MMP14: variants seen among roughly 807,000 people sequenced by gnomAD.
MMP14 encodes the protein matrix metalloproteinase-14.
In MMP14, 13 loss-of-function variants were observed where a neutral mutation model predicts 64.8. The ratio of observed to expected loss-of-function variants is 0.20; its 90% CI spans 0.13 to 0.32. The LOEUF (loss-of-function observed/expected upper bound fraction) is 0.32, where lower values mean the gene tolerates loss of function less well. MMP14 is among the 10% of genes least tolerant of loss of function. The probability of loss-of-function intolerance (pLI) is 1.00; values close to 1 mark genes in which losing one functional copy is unlikely to be tolerated. For synonymous variants in MMP14, 322 were observed against 315.9 expected (o/e 1.02, Z -0.20); for missense variants, 594 against 783.8 (o/e 0.76, Z 2.89).
chr14:22,842,127 C>T lies in MMP14; in HGVS notation c.380+92C>T. 6.6e-7 allele frequency: 1 copy of T among 1,521,386 alleles called. No individual in the cohort carries two copies. Among genetic ancestry groups the T allele is most frequent in the Non-Finnish European group, 9.0e-7 (1 of 1,108,752 alleles). 94.2% of individuals were successfully genotyped at this position (1,521,386 alleles called of 1,614,324 possible). On this transcript the variant is annotated intron_variant, in intron 3 of 9. Transcript: ENST00000311852. This position sits in a 1 kb window ranked among gnomAD's most constrained non-coding sequence, Gnocchi z 5.3. ...AGGGACTCAGAGACCCCCTGCCCCA[C>T]TCCCCTCAGTTCCTGGGAAGCATCC...
chr14:22,845,396 G>A (rs368324235), intron 9 of MMP14, 30 bp downstream of exon 9: 1 of 1,499,132 alleles, frequency 6.7e-7, no homozygotes, highest in Non-Finnish European at 9.2e-7. Flanking sequence ...GTGTCGCTGA[G>A]AGAAGGATGG....
rs894755216 is a variant in MMP14, at chr14:22,836,935, C to T, written c.108+10C>T. On this transcript the variant is annotated intron_variant, in intron 1 of 9. Transcript: ENST00000311852. ...CAGCTTCAGCCCCGAAGTAAGTGAG[C>T]TTCCCGGCCCTTCCCGGAGTCGCGC... The T allele has an allele frequency of 1.9e-6, 3 of 1,602,610 alleles. No homozygotes were observed. The highest frequency in any genetic ancestry group is 2.6e-6 in the Non-Finnish European group (3 of 1,172,232).
Position 22,843,928 on chromosome 14 carries a change from G to A in MMP14, c.1011+58G>A, listed in dbSNP as rs1383018782. On this transcript the variant is annotated intron_variant, in intron 6 of 9. Coordinates refer to ENST00000311852, the MANE Select transcript of MMP14 (RefSeq NM_004995.4). The surrounding 1 kb of genome is among the most constrained non-coding windows in gnomAD (Gnocchi z 4.8). Reference sequence around the variant, plus strand: ...AGGGCCCTATGGGCTGGGCATGGTGGCTCATGCCTGTAATCCTAGCACTTT... The same window carrying A: ...AGGGCCCTATGGGCTGGGCATGGTGACTCATGCCTGTAATCCTAGCACTTT... 1 of 1,577,264 alleles carries A rather than the reference G, an allele frequency of 6.3e-7. No homozygotes were observed. The highest frequency in any genetic ancestry group is 8.6e-7 in the Non-Finnish European group (1 of 1,165,036).
In MMP14 at chr14:22,843,107, C is replaced by T; in HGVS notation, c.689-150C>T. 1 of 840,232 alleles carries T rather than the reference C, an allele frequency of 1.2e-6. No individual in the cohort carries two copies. The highest frequency in any genetic ancestry group is 1.7e-5 in the African/African-American group (1 of 58,384). 52.0% of individuals were successfully genotyped at this position (840,232 alleles called of 1,614,324 possible). On this transcript the variant is annotated intron_variant, in intron 4 of 9. Transcript: ENST00000311852. This position sits in a 1 kb window ranked among gnomAD's most constrained non-coding sequence, Gnocchi z 4.8. The stretch of plus-strand genomic sequence containing the variant: ...GCTGACTGGCTTTGTGCTTAAATAC[C>T]AGATAAAAAGCTAGACCTCAGAATT...
chr14:22,844,306 G>A, intron 6 of MMP14, 65 bp from the exon 7 acceptor site: 1 of 1,595,304 alleles, frequency 6.3e-7, no homozygotes. Context: ...GGGAGCTTTG[G>A]GGACTGAACC....
chr14:22,842,851 G>A lies in MMP14; in HGVS notation c.688+134G>A. 1 of 957,342 alleles carries A rather than the reference G, an allele frequency of 1.0e-6. No homozygotes were observed. Among genetic ancestry groups the A allele is most frequent in the African/African-American group, 1.6e-5 (1 of 61,068 alleles). 59.3% of individuals were successfully genotyped at this position (957,342 alleles called of 1,614,324 possible). ...CCTTCTGATCTAACTTCTGACAAAA[G>A]CAGGAGTCCTGTTTGAGCTATTTAC... is the stretch of plus-strand genomic sequence containing the variant. On this transcript the variant is annotated intron_variant, in intron 4 of 9. Transcript: ENST00000311852. This position sits in a 1 kb window ranked among gnomAD's most constrained non-coding sequence, Gnocchi z 5.3.
intron 1 of MMP14, 37 bp downstream of exon 1, chr14:22,836,962 C>A (rs778937645): frequency 1.3e-6 from 2 of 1,544,258 alleles, no homozygotes; most frequent in Non-Finnish European, 1.8e-6. Context: ...GAGTCGCGCC[C>A]GCCGGGAGGC....
chr14:22,838,780 C>A (rs984786287), intron 1 of MMP14, among the ~76,000 whole-genome samples: 1 of 152,128 alleles, frequency 6.6e-6, no homozygotes, highest in Non-Finnish European at 1.5e-5. Flanking sequence ...CCCACCCAGC[C>A]GCAGACACAA....
intron 1 of MMP14, among the ~76,000 whole-genome samples, chr14:22,838,419 T>C (rs939426723): frequency 3.3e-5 from 5 of 152,050 alleles, no homozygotes; most frequent in African/African-American, 9.7e-5. Context: ...ACCATTTGCT[T>C]CTGGGCCCAG....
In MMP14 at chr14:22,847,322, G is replaced by A. The variant is rs538503375; in HGVS notation, c.*1283G>A. Reference sequence around the variant, plus strand: ...CTTCCCTGGTGCCAGCACCCCTCAAGCCTGTCTCACCAGTGGCCTGCCCTC... The same window carrying A: ...CTTCCCTGGTGCCAGCACCCCTCAAACCTGTCTCACCAGTGGCCTGCCCTC... On this transcript the variant is annotated 3_prime_UTR_variant, in exon 10 of 10. Transcript: ENST00000311852. 6.6e-6 allele frequency: 1 copy of A among 152,516 alleles called. No homozygotes were observed. The highest frequency in any genetic ancestry group is 1.9e-4 in the East Asian group (1 of 5,184). 9.4% of individuals were successfully genotyped at this position (152,516 alleles called of 1,614,324 possible).
intron 1 of MMP14, among the ~76,000 whole-genome samples, chr14:22,840,409 A>T (rs8012153): frequency 6.6e-6 from 1 of 152,256 alleles, no homozygotes; most frequent in Non-Finnish European, 1.5e-5. Flanking sequence ...TTAAGGCAAT[A>T]TGCCAGCCTT....
chr14:22,836,796 G>C lies in MMP14; in HGVS notation c.-22G>C. 1 of 1,533,972 alleles carries C rather than the reference G, an allele frequency of 6.5e-7. No homozygotes were observed. The highest frequency in any genetic ancestry group is 8.9e-7 in the Non-Finnish European group (1 of 1,121,698). On this transcript the variant is annotated 5_prime_UTR_variant, in exon 1 of 10. Transcript: ENST00000311852. ...CCGGCCGCGGAGCCCACACTGCCCGGCTGACCCGGTGGTCTCGGACCATGT... is the reference window on the plus strand; with the variant it reads ...CCGGCCGCGGAGCCCACACTGCCCGCCTGACCCGGTGGTCTCGGACCATGT...
intron 8 of MMP14, 36 bp from the exon 9 acceptor site, chr14:22,845,215 A>G (rs1409029965): frequency 6.7e-6 from 10 of 1,503,404 alleles, no homozygotes; most frequent in Non-Finnish European, 9.2e-6. Flanking sequence ...GGACATGCCC[A>G]GTGTCCGCCA....
At chr14:22,841,308 A>G (rs927346268) in intron 1 of MMP14, among the ~76,000 whole-genome samples, 183 bp from the exon 2 acceptor site, 1 of 152,212 alleles carries the variant, frequency 6.6e-6, no homozygotes, top group African/African-American at 2.4e-5. Flanking sequence ...TATAGCCCCG[A>G]GGGGCCTGGG....
chr14:22,845,703 T>G lies in MMP14; in HGVS notation c.1418-5T>G. ...CCTTACCACCTTCTGATTCACTCCCTGCAGTCTTCACTTACTTCTACAAGG... is the reference window on the plus strand; with the variant it reads ...CCTTACCACCTTCTGATTCACTCCCGGCAGTCTTCACTTACTTCTACAAGG... On this transcript the variant is annotated splice_region_variant and splice_polypyrimidine_tract_variant and intron_variant, in intron 9 of 9. Transcript: ENST00000311852. 6.2e-7 allele frequency: 1 copy of G among 1,613,648 alleles called. No individual in the cohort carries two copies. Among genetic ancestry groups the G allele is most frequent in the Non-Finnish European group, 8.5e-7 (1 of 1,179,824 alleles).
At chr14:22,836,984 TCTC>T (rs1427398769) in intron 1 of MMP14, 59 bp downstream of exon 1, 5 of 1,347,670 alleles carry the variant, frequency 3.7e-6, no homozygotes, top group African/African-American at 2.9e-5. Context: ...AGCCCGGGGG[TCTC>T]CTAGGGGACA....
chr14:22,845,487 C>A, intron 9 of MMP14, 121 bp downstream of exon 9: 1 of 867,840 alleles, frequency 1.2e-6, no homozygotes, highest in Non-Finnish European at 1.8e-6. Flanking sequence ...ATACCACATA[C>A]CAGGCGCTGG....
chr14:22,840,984 C>A lies in MMP14; in HGVS notation c.109-507C>A, dbSNP rs551331075. On this transcript the variant is annotated intron_variant, in intron 1 of 9. Coordinates refer to ENST00000311852, the MANE Select transcript of MMP14 (RefSeq NM_004995.4). ...AGCTCTAGCTCTTTTTTCTGCCCTCCTTTCTAAAAAGATCTCAGCTGTGAG... is the reference window on the plus strand; with the variant it reads ...AGCTCTAGCTCTTTTTTCTGCCCTCATTTCTAAAAAGATCTCAGCTGTGAG... Among the ~76,000 whole-genome samples, 3 of 152,314 alleles carry A rather than the reference C, an allele frequency of 2.0e-5. No homozygotes were observed. The South Asian group carries it at 6.2e-4, about 32-fold the overall frequency.
intron 1 of MMP14, chr14:22,837,558 C>A: frequency 2.8e-6 from 1 of 359,732 alleles, no homozygotes; most frequent in Non-Finnish European, 5.5e-6. Context: ...GCGCGCTGGC[C>A]GCGTTTCCGT....
Sources: gnomAD v4.1 joint callset for allele counts (sites outside exome capture counted in the v4.1 genomes callset) on GRCh38, gnomAD v4.1.1 for gene constraint, Gnocchi (gnomAD v3.1) non-coding constraint, MANE v1.5 for transcripts, NCBI Gene and HGNC (gene_info 2026-07-23, HGNC 2026-07-21) for gene names.